Variants in INSR observed in about 807,000 individuals in gnomAD.
INSR encodes the protein insulin receptor, also known as IR.
INSR carries 67 observed loss-of-function variants against 142.6 expected under a neutral mutation model. That is an observed-to-expected ratio of 0.47 (90% CI 0.39 to 0.58). The LOEUF is 0.58. Among genes scored for constraint, INSR ranks in the 20% least tolerant of loss-of-function variants. INSR has a pLI of 0.00. For missense variants in INSR, 1,248 were observed against 1,833.2 expected, an observed-to-expected ratio of 0.68 and a Z score of 5.83; for synonymous variants, 756 against 743.1, an observed-to-expected ratio of 1.02 and a Z score of -0.28.
At position 7,119,627 on chromosome 19, in the gene INSR, C is replaced by G. The variant is rs1054855507; in HGVS notation, c.3660-44G>C. On this transcript the variant is annotated intron_variant, in intron 20 of 21. Transcript: ENST00000302850. This position sits in a 1 kb window ranked among gnomAD's most constrained non-coding sequence, Gnocchi z 5.2. ...AGTAGTAACAAAGAAGCCATTTAGA[C>G]ACACACACACACGCGCGCGCGCAAA... The G allele has an allele frequency of 1.3e-6, 2 of 1,550,816 alleles. No individual in the cohort carries two copies. Among genetic ancestry groups the G allele is most frequent in the South Asian group, 1.1e-5 (1 of 89,002 alleles).
intron 2 of INSR, among the ~76,000 whole-genome samples, chr19:7,197,516 G>GTGT (rs1568480264): frequency 0.092 from 6,508 of 70,882 alleles, 1,376 homozygotes; most frequent in Middle Eastern, 0.16. Context: ...TGGGAGTGGG[G>GTGT]GTGTGTGTGT....
chr19:7,271,061 C>CA (rs372484773), intron 1 of INSR, among the ~76,000 whole-genome samples: 5,845 of 141,464 alleles, frequency 0.041, 250 homozygotes, highest in East Asian at 0.18. Flanking sequence ...GACTCTGTCT[C>CA]AAAAAAAAAA....
chr19:7,275,512 G>A (rs1968037829), intron 1 of INSR, among the ~76,000 whole-genome samples: 1 of 152,000 alleles, frequency 6.6e-6, no homozygotes, highest in South Asian at 2.1e-4. Flanking sequence ...GCCAGGTGCG[G>A]TGGCTCACGC....
At chr19:7,274,198 C>T (rs1967999015) in intron 1 of INSR, among the ~76,000 whole-genome samples, 1 of 151,918 alleles carries the variant, frequency 6.6e-6, no homozygotes, top group Admixed American at 6.6e-5. Flanking sequence ...CAGTTAGATT[C>T]TCATAAGGAG....
rs1042427826 is a variant in INSR, at chr19:7,258,471, C to T, written c.652+8874G>A. Among the ~76,000 whole-genome samples, 50 of 149,136 alleles carry T rather than the reference C, an allele frequency of 3.4e-4. 6 individuals are homozygous for T. The highest frequency in any genetic ancestry group is 1.1e-3 in the African/African-American group (45 of 40,602). On this transcript the variant is annotated intron_variant, in intron 2 of 21. Coordinates refer to ENST00000302850, the MANE Select transcript of INSR (RefSeq NM_000208.4). ...TAGGTCATACAAAAATAGCAGCTGGCGGACTGGATTTGGCCCACAGGTCGT... is the reference window on the plus strand; with the variant it reads ...TAGGTCATACAAAAATAGCAGCTGGTGGACTGGATTTGGCCCACAGGTCGT...
rs750837347 is a variant in INSR, at chr19:7,116,968, C to T, written c.*88G>A. The stretch of plus-strand genomic sequence containing the variant: ...TGAACTCCATTGGACATGGTAGAGT[C>T]GTGAGAATCCTGAGTTTTCCAGAGG... On this transcript the variant is annotated 3_prime_UTR_variant, in exon 22 of 22. Transcript: ENST00000302850. 3.9e-5 allele frequency: 38 copies of T among 983,846 alleles called. No individual in the cohort carries two copies. The highest frequency in any genetic ancestry group is 5.6e-5 in the Non-Finnish European group (34 of 605,502). The allele number at this position is 983,846 out of a possible 1,614,324, so 60.9% of individuals were successfully genotyped here.
At chr19:7,200,031 G>C (rs1314945261) in intron 2 of INSR, among the ~76,000 whole-genome samples, 1 of 152,110 alleles carries the variant, frequency 6.6e-6, no homozygotes, top group East Asian at 1.9e-4. Flanking sequence ...TATGTTCAGA[G>C]AACTATAAAC....
intron 3 of INSR, 25 bp downstream of exon 3, chr19:7,184,291 C>G: frequency 2.5e-6 from 4 of 1,607,862 alleles, no homozygotes; most frequent in Non-Finnish European, 3.4e-6. Context: ...CTCGGCTGCC[C>G]CCCAGACCCA....
intron 2 of INSR, among the ~76,000 whole-genome samples, chr19:7,242,820 C>T (rs1238884424): frequency 6.7e-6 from 1 of 149,328 alleles, no homozygotes; most frequent in Non-Finnish European, 1.5e-5. Flanking sequence ...TTGTGTACCA[C>T]AGAAGCTATT....
At chr19:7,133,533 C>G (rs557002922) in intron 13 of INSR, among the ~76,000 whole-genome samples, 2 of 152,156 alleles carry the variant, frequency 1.3e-5, no homozygotes, top group African/African-American at 4.8e-5. Context: ...CCCTTTGGTT[C>G]ACGTCTCTCC....
intron 10 of INSR, among the ~76,000 whole-genome samples, chr19:7,151,485 C>T (rs1350127212): frequency 1.3e-5 from 2 of 149,938 alleles, no homozygotes; most frequent in African/African-American, 4.9e-5. Context: ...TAGGGTCTCA[C>T]TCTGTTGCTC....
chr19:7,282,751 C>CCGAGGTGGGGGATCACGAGGT (rs1247910541), intron 1 of INSR, among the ~76,000 whole-genome samples: 18 of 151,644 alleles, frequency 1.2e-4, no homozygotes, highest in Non-Finnish European at 1.8e-4. Context: ...CTTTGGGAGG[C>CCGAGGTGGGGGATCACGAGGT]CGAGGTGGGG....
At chr19:7,223,164 C>T (rs542783804) in intron 2 of INSR, among the ~76,000 whole-genome samples, 1 of 152,262 alleles carries the variant, frequency 6.6e-6, no homozygotes, top group South Asian at 2.1e-4. Flanking sequence ...GCGTGGGTGA[C>T]AGAGTGAGAC....
At chr19:7,126,524 A>G in intron 16 of INSR, 60 bp downstream of exon 16, 1 of 1,417,706 alleles carries the variant, frequency 7.1e-7, no homozygotes, top group Non-Finnish European at 9.7e-7. Flanking sequence ...CTCAATGGTG[A>G]AGGCAAAGGA....
Position 7,143,174 on chromosome 19 carries a change from T to A in INSR, c.2268-84A>T. ...TGACACTGGAGAATAAAAGGCTTGA[T>A]TAAGAAGAAAGATCAGAGCGCAGGA... is the stretch of plus-strand genomic sequence containing the variant. On this transcript the variant is annotated intron_variant, in intron 11 of 21. Coordinates refer to ENST00000302850, the MANE Select transcript of INSR (RefSeq NM_000208.4). The A allele has an allele frequency of 3.3e-6, 5 of 1,493,410 alleles. No individual in the cohort carries two copies. In the Admixed American group the frequency reaches 8.4e-5, roughly 25 times the overall value. The allele number at this position is 1,493,410 out of a possible 1,614,324, so 92.5% of individuals were successfully genotyped here. A position where few individuals can be genotyped will look rare whatever the true frequency, so the allele number is the denominator to read the frequency against.
chr19:7,129,021 C>T (rs1020370965), intron 14 of INSR, 67 bp from the exon 15 acceptor site: 1 of 1,293,022 alleles, frequency 7.7e-7, no homozygotes, highest in Admixed American at 1.7e-5. Context: ...CATCAAAAAT[C>T]ACATCCACTC....
intron 2 of INSR, among the ~76,000 whole-genome samples, chr19:7,207,927 A>AG (rs1426541247): frequency 1.2e-3 from 141 of 120,474 alleles, no homozygotes; most frequent in African/African-American, 4.2e-3. Flanking sequence ...GAAGGAAGGA[A>AG]GGAAGGAAGG....
rs752147545 is a variant in INSR at position 7,184,401 on chromosome 19, G to A, written c.889C>T (p.Arg297Trp). The A allele has an allele frequency of 3.7e-6, 6 of 1,613,912 alleles. No individual in the cohort carries two copies. The highest frequency in any genetic ancestry group is 1.3e-5 in the African/African-American group (1 of 74,856). The change falls in exon 3 of 22, where the codon CGG becomes TGG. Residue 297 changes from arginine to tryptophan, a missense_variant. Physicochemically the swap from Arg to Trp is moderately radical, Grantham distance 101. Coordinates refer to ENST00000302850, the MANE Select transcript of INSR (RefSeq NM_000208.4). Reference sequence around the variant, plus strand: ...ACGTACTGGTGGCAGCCCTGCCTCCGCGAGTTCTTGCATTTGTGGTGCAGG... The same window carrying A: ...ACGTACTGGTGGCAGCCCTGCCTCCACGAGTTCTTGCATTTGTGGTGCAGG... ...QDLHHKCKNS[R>W]RQGCHQYVIH...
intron 3 of INSR, among the ~76,000 whole-genome samples, 170 bp downstream of exon 3, chr19:7,184,146 C>T (rs1406882090): frequency 6.6e-6 from 1 of 151,558 alleles, no homozygotes; most frequent in African/African-American, 2.4e-5. Context: ...AACTCCCACT[C>T]CCAAGCCCAG....
Sources: gnomAD v4.1 joint callset for allele counts (sites outside exome capture counted in the v4.1 genomes callset) on GRCh38, gnomAD v4.1.1 for gene constraint, Gnocchi (gnomAD v3.1) non-coding constraint, MANE v1.5 for transcripts, NCBI Gene and HGNC (gene_info 2026-07-23, HGNC 2026-07-21) for gene names.